The following SLC24A3 variants were observed in gnomAD, a reference collection of about 807,000 sequenced individuals.
SLC24A3 encodes the protein sodium/potassium/calcium exchanger 3.
SLC24A3 carries 28 observed loss-of-function variants against 75.8 expected under a neutral mutation model. The ratio of observed to expected loss-of-function variants is 0.37; its 90% CI spans 0.27 to 0.51. The LOEUF is 0.51. SLC24A3 is among the 20% of genes least tolerant of loss of function. The probability of loss-of-function intolerance (pLI) is 0.94; values close to 1 mark genes in which losing one functional copy is unlikely to be tolerated. For missense variants in SLC24A3, 663 were observed against 847.8 expected (o/e 0.78, Z 2.71); for synonymous variants, 372 against 334.1 (o/e 1.11, Z -1.24).
intron 6 of SLC24A3, among the ~76,000 whole-genome samples, chr20:19,615,271 AAGAC>A (rs1225206039): frequency 6.6e-6 from 1 of 152,262 alleles, no homozygotes; most frequent in African/African-American, 2.4e-5. Context: ...AGCAGACACG[AAGAC>A]AGAGTTTTGA....
intron 15 of SLC24A3, among the ~76,000 whole-genome samples, chr20:19,710,077 C>T (rs1429323734): frequency 1.3e-5 from 2 of 152,326 alleles, no homozygotes; most frequent in East Asian, 1.9e-4. Flanking sequence ...TTGGAAACTA[C>T]ACCCAAACAA....
intron 2 of SLC24A3, among the ~76,000 whole-genome samples, chr20:19,322,212 C>T (rs1453311416): frequency 6.6e-6 from 1 of 152,136 alleles, no homozygotes; most frequent in Non-Finnish European, 1.5e-5. Context: ...GGATCATCCT[C>T]TCCTAGATCT....
chr20:19,460,446 CT>C (rs11477717), intron 2 of SLC24A3, among the ~76,000 whole-genome samples: 72,043 of 151,584 alleles, frequency 0.48, 18,611 homozygotes, highest in Non-Finnish European at 0.58. Context: ...GCAGGATTCT[CT>C]CACAGCTGAG....
rs187133712 is a variant in SLC24A3, at chr20:19,326,998, C to T, written c.271+45911C>T. Among the ~76,000 whole-genome samples the T allele has an allele frequency of 3.0e-3, 455 of 152,268 alleles. 3 individuals are homozygous for T. Among genetic ancestry groups the T allele is most frequent in the Non-Finnish European group, 4.0e-3 (275 of 68,024 alleles). On this transcript the variant is annotated intron_variant, in intron 2 of 16. Transcript: ENST00000328041. ...AAGACTTTGCTCTGGGAAAGAGTTGCGGCCTTCCCATTTTATGAAGGTTTA... is the reference window on the plus strand; with the variant it reads ...AAGACTTTGCTCTGGGAAAGAGTTGTGGCCTTCCCATTTTATGAAGGTTTA...
chr20:19,693,781 A>T, intron 13 of SLC24A3: 1 of 193,776 alleles, frequency 5.2e-6, no homozygotes, highest in Non-Finnish European at 1.1e-5. Context: ...CTCTTCTCAC[A>T]GTGCATCATT....
chr20:19,425,080 A>G lies in SLC24A3; in HGVS notation c.272-90408A>G, dbSNP rs367880170. Among the ~76,000 whole-genome samples the G allele has an allele frequency of 1.4e-4, 22 of 152,248 alleles. No individual in the cohort carries two copies. In the East Asian group the frequency reaches 3.7e-3, roughly 25 times the overall value. The stretch of plus-strand genomic sequence containing the variant: ...AGCACTTTGGGAGGCCGAGGTGGGC[A>G]GATCACGAGTTCAGGAGTTCAAAAC... On this transcript the variant is annotated intron_variant, in intron 2 of 16. Transcript: ENST00000328041.
chr20:19,415,132 T>G (rs1028402840), intron 2 of SLC24A3, among the ~76,000 whole-genome samples: 2 of 152,206 alleles, frequency 1.3e-5, no homozygotes, highest in African/African-American at 4.8e-5. Context: ...TATTTAGTTT[T>G]GATGTGTTGT....
intron 2 of SLC24A3, among the ~76,000 whole-genome samples, chr20:19,324,862 T>C (rs1984801299): frequency 6.6e-6 from 1 of 152,212 alleles, no homozygotes; most frequent in African/African-American, 2.4e-5. Context: ...ACTTTTCTTT[T>C]CTTTTTTTCT....
intron 1 of SLC24A3, among the ~76,000 whole-genome samples, chr20:19,221,425 C>T (rs8119549): frequency 0.08 from 12,120 of 152,230 alleles, 539 homozygotes; most frequent in Middle Eastern, 0.12. Flanking sequence ...AAGCCCTGCT[C>T]CCTGGAACCC....
intron 2 of SLC24A3, among the ~76,000 whole-genome samples, chr20:19,407,309 A>G (rs1459494427): frequency 6.6e-6 from 1 of 152,148 alleles, no homozygotes; most frequent in African/African-American, 2.4e-5. Flanking sequence ...TGCCCTTCAG[A>G]TGGAAAGCAT....
chr20:19,624,071 A>G lies in SLC24A3; in HGVS notation c.613-29991A>G, dbSNP rs117990643. Among the ~76,000 whole-genome samples, 1,293 of 152,212 alleles carry G rather than the reference A, an allele frequency of 8.5e-3. 11 individuals are homozygous for G. Among genetic ancestry groups the G allele is most frequent in the Non-Finnish European group, 0.012 (816 of 68,020 alleles). ...CCAAGGCCTCCAGAAATCTTTTCAG[A>G]TCTCACCTCCTATTACTATACTTTG... is the stretch of plus-strand genomic sequence containing the variant. On this transcript the variant is annotated intron_variant, in intron 6 of 16. Coordinates refer to ENST00000328041, the MANE Select transcript of SLC24A3 (RefSeq NM_020689.4).
At chr20:19,263,779 A>C (rs1983070895) in intron 1 of SLC24A3, among the ~76,000 whole-genome samples, 1 of 152,248 alleles carries the variant, frequency 6.6e-6, no homozygotes, top group Non-Finnish European at 1.5e-5. Flanking sequence ...GCAATGGGCC[A>C]AAGAATAGGA....
At chr20:19,580,453 T>C (rs191783518) in intron 4 of SLC24A3, among the ~76,000 whole-genome samples, 1 of 152,252 alleles carries the variant, frequency 6.6e-6, no homozygotes, top group African/African-American at 2.4e-5. Context: ...TAACTCTCCT[T>C]TGATATCCAT....
At chr20:19,495,910 T>C (rs1988277929) in intron 2 of SLC24A3, among the ~76,000 whole-genome samples, 1 of 152,176 alleles carries the variant, frequency 6.6e-6, no homozygotes, top group Admixed American at 6.5e-5. Context: ...CACCAATACA[T>C]AGCCACACAG....
At chr20:19,707,909 G>A (rs1052947123) in intron 15 of SLC24A3, among the ~76,000 whole-genome samples, 3 of 152,192 alleles carry the variant, frequency 2.0e-5, no homozygotes, top group African/African-American at 7.2e-5. Flanking sequence ...CAGAGGCAAG[G>A]TCTTGGTTGC....
chr20:19,424,780 T>C (rs1986976932), intron 2 of SLC24A3, among the ~76,000 whole-genome samples: 1 of 130,902 alleles, frequency 7.6e-6, no homozygotes, highest in Non-Finnish European at 1.6e-5. Flanking sequence ...AACTTGAGCA[T>C]AGGTCTCTAG....
intron 2 of SLC24A3, among the ~76,000 whole-genome samples, chr20:19,328,389 A>G (rs900489130): frequency 2.6e-5 from 4 of 152,174 alleles, no homozygotes; most frequent in Non-Finnish European, 4.4e-5. Flanking sequence ...TGGATTGATA[A>G]TAAAATGTAG....
At chr20:19,533,344 C>A (rs2030337128) in intron 3 of SLC24A3, among the ~76,000 whole-genome samples, 1 of 152,192 alleles carries the variant, frequency 6.6e-6, no homozygotes, top group African/African-American at 2.4e-5. Context: ...AAAGCAGGGG[C>A]TGCTGGGTAT....
intron 6 of SLC24A3, among the ~76,000 whole-genome samples, chr20:19,608,048 T>C (rs1177527566): frequency 6.6e-6 from 1 of 152,232 alleles, no homozygotes; most frequent in East Asian, 1.9e-4. Flanking sequence ...CATCTCCCAA[T>C]TTTAAAAGTG....
Sources: allele counts gnomAD v4.1 joint callset (sites outside exome capture counted in the v4.1 genomes callset), GRCh38; gene constraint gnomAD v4.1.1; transcripts MANE v1.5; gene names NCBI Gene and HGNC (gene_info 2026-07-23, HGNC 2026-07-21).